Variants in SNTG1 observed in about 807,000 individuals in gnomAD.
SNTG1 encodes the protein syntrophin gamma 1.
In SNTG1, 39 loss-of-function variants were observed where a neutral mutation model predicts 74.7. That is an observed-to-expected ratio of 0.52 (90% CI 0.40 to 0.68). The LOEUF is 0.68. Among genes scored for constraint, SNTG1 ranks in the 30% least tolerant of loss-of-function variants. The probability of loss-of-function intolerance (pLI) is 0.00; values close to 1 mark genes in which losing one functional copy is unlikely to be tolerated. For missense variants in SNTG1, 685 were observed against 609.5 expected (o/e 1.12, Z -1.30); for synonymous variants, 254 against 217.1 (o/e 1.17, Z -1.49).
At position 50,601,152 on chromosome 8, in the gene SNTG1, C is replaced by CAAAAAAA. The variant is rs71235311; in HGVS notation, c.849+10261_849+10267dup. On this transcript the variant is annotated intron_variant, in intron 13 of 18. Coordinates refer to ENST00000642720, the MANE Select transcript of SNTG1 (RefSeq NM_018967.5). ...CAGCCTGGTGACAGAGCCAGCGAGA[C>CAAAAAAA]AAAAAAAAAAAAAAAAAAAAAAAAA... 1.3e-3 allele frequency among the ~76,000 whole-genome samples: 40 copies of CAAAAAAA among 31,438 alleles called. 5 individuals are homozygous for CAAAAAAA. The highest frequency in any genetic ancestry group is 4.7e-3 in the African/African-American group (24 of 5,078). 20.6% of individuals were successfully genotyped at this position (31,438 alleles called of 152,430 possible).
intron 1 of SNTG1, among the ~76,000 whole-genome samples, chr8:50,044,238 T>G (rs1216425222): frequency 2.0e-5 from 3 of 152,212 alleles, no homozygotes; most frequent in Non-Finnish European, 4.4e-5. Flanking sequence ...AAGTTAAGAA[T>G]GTGTTTCTAA....
intron 1 of SNTG1, among the ~76,000 whole-genome samples, chr8:50,113,084 T>C (rs1012263068): frequency 1.3e-5 from 2 of 152,188 alleles, no homozygotes; most frequent in African/African-American, 4.8e-5. Flanking sequence ...CAATGTGGGC[T>C]CTTTTTTGGT....
intron 9 of SNTG1, among the ~76,000 whole-genome samples, chr8:50,509,270 A>T (rs944344238): frequency 2.6e-5 from 4 of 152,056 alleles, no homozygotes; most frequent in African/African-American, 9.7e-5. Flanking sequence ...GTTCTGTTCC[A>T]TTGGTCTCTA....
intron 15 of SNTG1, among the ~76,000 whole-genome samples, chr8:50,660,565 CTT>C (rs2095217494): frequency 6.6e-6 from 1 of 151,966 alleles, no homozygotes; most frequent in Non-Finnish European, 1.5e-5. Flanking sequence ...AACAAATCAA[CTT>C]TGTCTATTCT....
intron 12 of SNTG1, among the ~76,000 whole-genome samples, chr8:50,562,590 T>G (rs935834794): frequency 6.6e-6 from 1 of 152,204 alleles, no homozygotes; most frequent in Non-Finnish European, 1.5e-5. Context: ...CAGAACAGTA[T>G]GATAATATAT....
chr8:50,792,560 A>G (rs956238222), intron 18 of SNTG1, 111 bp from the exon 19 acceptor site: 41 of 1,102,414 alleles, frequency 3.7e-5, no homozygotes, highest in Admixed American at 4.8e-5. Flanking sequence ...CACATGTTAC[A>G]TATCATAGAT....
chr8:50,778,989 G>A (rs905633308), intron 18 of SNTG1, among the ~76,000 whole-genome samples: 1 of 152,102 alleles, frequency 6.6e-6, no homozygotes, highest in Non-Finnish European at 1.5e-5. Flanking sequence ...TTTTTCTCAG[G>A]TTTGTCAAAG....
Position 50,493,741 on chromosome 8 carries a change from A to G in SNTG1, c.364-9037A>G, listed in dbSNP as rs147976393. Among the ~76,000 whole-genome samples, 47 of 150,744 alleles carry G rather than the reference A, an allele frequency of 3.1e-4. No homozygotes were observed. The East Asian group carries it at 7.0e-3, about 22-fold the overall frequency. ...ACATGGAAATTTTCTATTTATATAT[A>G]TAATATTTTTTACTTCTATATATTG... On this transcript the variant is annotated intron_variant, in intron 8 of 18. Coordinates refer to ENST00000642720, the MANE Select transcript of SNTG1 (RefSeq NM_018967.5).
At chr8:50,531,095 A>G (rs1463759086) in intron 10 of SNTG1, among the ~76,000 whole-genome samples, 1 of 152,184 alleles carries the variant, frequency 6.6e-6, no homozygotes, top group Non-Finnish European at 1.5e-5. Context: ...TTGTCAAAAT[A>G]GTGGCATTTT....
intron 1 of SNTG1, among the ~76,000 whole-genome samples, chr8:50,071,968 T>C (rs538711613): frequency 1.6e-4 from 24 of 152,354 alleles, no homozygotes; most frequent in Admixed American, 1.5e-3. Flanking sequence ...AATACTATTT[T>C]CTTGCTATTA....
chr8:50,252,130 AAAG>A (rs2086671718), intron 2 of SNTG1, among the ~76,000 whole-genome samples: 1 of 152,178 alleles, frequency 6.6e-6, no homozygotes, highest in African/African-American at 2.4e-5. Context: ...TGAGAAAATT[AAAG>A]GAGAAATTTA....
chr8:50,183,964 C>T (rs1308264353), intron 2 of SNTG1, among the ~76,000 whole-genome samples: 1 of 152,074 alleles, frequency 6.6e-6, no homozygotes, highest in Admixed American at 6.6e-5. Flanking sequence ...TTCCCGTATC[C>T]CTTCTTACTA....
At chr8:50,288,835 T>C (rs2088930042) in intron 2 of SNTG1, among the ~76,000 whole-genome samples, 1 of 152,214 alleles carries the variant, frequency 6.6e-6, no homozygotes, top group Admixed American at 6.5e-5. Flanking sequence ...TTGCATGTTA[T>C]AGGTTGCTAG....
chr8:50,253,058 A>ATTT (rs1226310053), intron 2 of SNTG1, among the ~76,000 whole-genome samples: 1 of 152,204 alleles, frequency 6.6e-6, no homozygotes, highest in East Asian at 1.9e-4. Context: ...GAGACAGGGG[A>ATTT]ACATTTACAC....
At chr8:50,330,537 C>G (rs1322397736) in intron 2 of SNTG1, among the ~76,000 whole-genome samples, 1 of 152,176 alleles carries the variant, frequency 6.6e-6, no homozygotes, top group East Asian at 1.9e-4. Flanking sequence ...TCCTGTTACC[C>G]AGTTCCAAAG....
intron 1 of SNTG1, among the ~76,000 whole-genome samples, chr8:49,917,760 C>T (rs1225547883): frequency 6.6e-6 from 1 of 152,068 alleles, no homozygotes; most frequent in Non-Finnish European, 1.5e-5. Context: ...AAACCTATAT[C>T]TCTTTGCATA....
In SNTG1 at chr8:50,541,890, C is replaced by T. The variant is rs187014167; in HGVS notation, c.680+5082C>T. Among the ~76,000 whole-genome samples, 405 of 151,720 alleles carry T rather than the reference C, an allele frequency of 2.7e-3. 3 individuals carry two copies. The highest frequency in any genetic ancestry group is 9.4e-3 in the African/African-American group (388 of 41,420). On this transcript the variant is annotated intron_variant, in intron 11 of 18. Transcript: ENST00000642720. The stretch of plus-strand genomic sequence containing the variant: ...TCAATGAGATCAACTTTTTTAGCTC[C>T]CACTTAAATATGAGTGAGAACATGG...
At chr8:50,487,365 G>A (rs1337108413) in intron 8 of SNTG1, among the ~76,000 whole-genome samples, 3 of 152,074 alleles carry the variant, frequency 2.0e-5, no homozygotes, top group African/African-American at 7.2e-5. Flanking sequence ...TATAAATCAT[G>A]CTGCTATAAA....
At chr8:50,742,991 G>A (rs2095546957) in intron 17 of SNTG1, among the ~76,000 whole-genome samples, 1 of 151,400 alleles carries the variant, frequency 6.6e-6, no homozygotes, top group Non-Finnish European at 1.5e-5. Flanking sequence ...CTATTAAGGG[G>A]ATTGAATCCA....
Sources: allele counts gnomAD v4.1 joint callset (sites outside exome capture counted in the v4.1 genomes callset), GRCh38; gene constraint gnomAD v4.1.1; transcripts MANE v1.5; gene names NCBI Gene and HGNC (gene_info 2026-07-23, HGNC 2026-07-21).